Variants in RYR3 observed in about 807,000 individuals in gnomAD.
RYR3 encodes brain ryanodine receptor-calcium release channel.
A neutral mutation model predicts 584.3 loss-of-function variants in RYR3; 207 were observed. The ratio of observed to expected loss-of-function variants is 0.35; its 90% CI spans 0.32 to 0.40. RYR3 has a LOEUF of 0.40. Ranked by LOEUF, RYR3 falls within the 10% of genes least tolerant of loss-of-function variation. The pLI is 1.00. For synonymous variants in RYR3, 2,416 were observed against 2,248.5 expected (o/e 1.07, Z -2.11); for missense variants, 5,616 against 6,089.2 (o/e 0.92, Z 2.59).
At chr15:33,503,981 C>G (rs1426012363) in intron 3 of RYR3, among the ~76,000 whole-genome samples, 1 of 152,158 alleles carries the variant, frequency 6.6e-6, no homozygotes, top group Non-Finnish European at 1.5e-5. Context: ...GAGCAAGGCA[C>G]AGGATGTTAA....
chr15:33,451,936 G>A (rs112146650), intron 1 of RYR3, among the ~76,000 whole-genome samples: 4,758 of 152,270 alleles, frequency 0.031, 147 homozygotes, highest in African/African-American at 0.074. Flanking sequence ...GAGTCTTTGG[G>A]ATTTCATTCT....
intron 53 of RYR3, among the ~76,000 whole-genome samples, chr15:33,747,187 A>G (rs2070813219): frequency 1.3e-5 from 2 of 152,100 alleles, no homozygotes; most frequent in South Asian, 4.1e-4. Flanking sequence ...AAGAGAATGC[A>G]TCTCTTGCTT....
intron 1 of RYR3, among the ~76,000 whole-genome samples, chr15:33,352,153 A>G (rs933657307): frequency 4.6e-5 from 7 of 152,182 alleles, no homozygotes; most frequent in African/African-American, 1.7e-4. Flanking sequence ...CCGTTTTTAA[A>G]TCATTTTTTT....
chr15:33,495,307 A>G (rs531227953), intron 2 of RYR3, among the ~76,000 whole-genome samples: 89 of 152,296 alleles, frequency 5.8e-4, no homozygotes, highest in African/African-American at 2.0e-3. Flanking sequence ...AGGCATGGGA[A>G]TGGGAACTCT....
intron 2 of RYR3, among the ~76,000 whole-genome samples, chr15:33,491,661 G>A (rs2050972218): frequency 6.6e-6 from 1 of 152,180 alleles, no homozygotes; most frequent in Non-Finnish European, 1.5e-5. Context: ...CATTGTTGAT[G>A]CAGAACCTCA....
At chr15:33,332,755 C>T (rs1970508022) in intron 1 of RYR3, among the ~76,000 whole-genome samples, 1 of 151,926 alleles carries the variant, frequency 6.6e-6, no homozygotes, top group Admixed American at 6.6e-5. Flanking sequence ...TAACTAAGTT[C>T]AGAAGAGTTA....
intron 1 of RYR3, among the ~76,000 whole-genome samples, chr15:33,366,297 G>A (rs1326812266): frequency 1.3e-5 from 2 of 151,934 alleles, no homozygotes; most frequent in Non-Finnish European, 2.9e-5. Flanking sequence ...TTCTCTTCTT[G>A]GTCTTGTCTG....
intron 2 of RYR3, among the ~76,000 whole-genome samples, chr15:33,502,837 G>C (rs1016914237): frequency 6.6e-6 from 1 of 152,256 alleles, no homozygotes; most frequent in Non-Finnish European, 1.5e-5. Context: ...CGTTTCCTTG[G>C]CTAGAAACTG....
chr15:33,826,389 G>C (rs1214689500), intron 83 of RYR3, 120 bp downstream of exon 83: 8 of 1,014,656 alleles, frequency 7.9e-6, no homozygotes, highest in Non-Finnish European at 1.2e-5. Flanking sequence ...GAACTCAGCA[G>C]TTTGGTACTT....
intron 2 of RYR3, among the ~76,000 whole-genome samples, chr15:33,484,013 C>T (rs868163309): frequency 6.6e-6 from 1 of 151,964 alleles, no homozygotes; most frequent in African/African-American, 2.4e-5. Context: ...TAGATTGCTC[C>T]CTGGTGCCTT....
At chr15:33,761,690 T>C (rs1370609938) in intron 60 of RYR3, among the ~76,000 whole-genome samples, 6 of 152,200 alleles carry the variant, frequency 3.9e-5, no homozygotes, top group Admixed American at 6.5e-5. Context: ...GAGGAGCTGG[T>C]ACCATTTCTT....
At chr15:33,810,219 G>A (rs2076445616) in intron 70 of RYR3, among the ~76,000 whole-genome samples, 1 of 152,232 alleles carries the variant, frequency 6.6e-6, no homozygotes, top group Admixed American at 6.5e-5. Flanking sequence ...AACTGAGTGA[G>A]CAATAGGCGT....
At chr15:33,503,906 C>G (rs181719775) in intron 3 of RYR3, among the ~76,000 whole-genome samples, 168 bp downstream of exon 3, 1 of 152,094 alleles carries the variant, frequency 6.6e-6, no homozygotes, top group Non-Finnish European at 1.5e-5. Flanking sequence ...ATTCAGCAAC[C>G]CTACTTCTGC....
At chr15:33,789,398 A>G (rs1223479654) in intron 67 of RYR3, among the ~76,000 whole-genome samples, 1 of 151,558 alleles carries the variant, frequency 6.6e-6, no homozygotes. Context: ...TGATCCAGGC[A>G]AGAGTGGAAT....
At chr15:33,762,417 A>G (rs965576975) in intron 60 of RYR3, among the ~76,000 whole-genome samples, 2 of 152,242 alleles carry the variant, frequency 1.3e-5, no homozygotes, top group African/African-American at 4.8e-5. Flanking sequence ...GTCTCAGGAT[A>G]CAAAATCAAT....
In RYR3 at chr15:33,757,582, A is replaced by G. The variant is rs1176697714; in HGVS notation, c.8691A>G (p.Lys2897=). 1 of 1,611,088 alleles carries G rather than the reference A, an allele frequency of 6.2e-7. No homozygotes were observed. The highest frequency in any genetic ancestry group is 1.7e-5 in the Admixed American group (1 of 59,726). ...GCGGATATGCCTCCCATAAGGAGAA[A>G]GAAATGGTGGCCGGGTGAGTCTACA... The part of the protein sequence containing the change: ...SSSGYASHKE[K]EMVAGLFCKL... The change falls in exon 60 of 104, where the codon AAA becomes AAG. Residue 2897 remains lysine, a synonymous_variant. Transcript: ENST00000634891.
intron 1 of RYR3, among the ~76,000 whole-genome samples, chr15:33,319,268 A>C (rs1230370356): frequency 6.6e-6 from 1 of 152,072 alleles, no homozygotes; most frequent in Non-Finnish European, 1.5e-5. Context: ...CAGACTGTAA[A>C]TAATACCGGG....
At chr15:33,612,403 C>G (rs1418935279) in intron 18 of RYR3, among the ~76,000 whole-genome samples, 2 of 152,168 alleles carry the variant, frequency 1.3e-5, no homozygotes, top group Non-Finnish European at 2.9e-5. Flanking sequence ...TCTTGTTGCC[C>G]AGGCTGGAGT....
intron 47 of RYR3, 30 bp downstream of exon 47, chr15:33,729,056 G>C (rs2068706500): frequency 6.3e-7 from 1 of 1,593,226 alleles, no homozygotes; most frequent in Non-Finnish European, 8.6e-7. Context: ...AAAAATTATT[G>C]TTCCCATCAT....
Sources: gnomAD v4.1 joint callset for allele counts (sites outside exome capture counted in the v4.1 genomes callset) on GRCh38, gnomAD v4.1.1 for gene constraint, MANE v1.5 for transcripts, NCBI Gene and HGNC (gene_info 2026-07-23, HGNC 2026-07-21) for gene names.